Variants in PPP3CB observed in about 807,000 individuals in gnomAD.
PPP3CB encodes protein phosphatase 3 catalytic subunit beta.
In PPP3CB, 8 loss-of-function variants were observed where a neutral mutation model predicts 66.4. The observed-to-expected ratio is 0.12, with a 90% CI of 0.07 to 0.22. The LOEUF (loss-of-function observed/expected upper bound fraction) is 0.22. Ranked by LOEUF, PPP3CB falls within the 10% of genes least tolerant of loss-of-function variation. The pLI is 1.00. For synonymous variants in PPP3CB, 208 were observed against 221.2 expected (o/e 0.94, Z 0.53); for missense variants, 319 against 642.5 (o/e 0.50, Z 5.44).
chr10:73,455,174 C>T (rs993607261), intron 9 of PPP3CB, among the ~76,000 whole-genome samples: 4 of 152,120 alleles, frequency 2.6e-5, no homozygotes, highest in African/African-American at 4.8e-5. Context: ...TAGGCCACTG[C>T]GCCTGGCCTT....
chr10:73,458,633 A>G (rs932310164), intron 9 of PPP3CB, among the ~76,000 whole-genome samples: 4 of 151,220 alleles, frequency 2.6e-5, no homozygotes, highest in African/African-American at 9.7e-5. Context: ...CCCTGTCTCT[A>G]TATTAAAATA....
intron 1 of PPP3CB, among the ~76,000 whole-genome samples, chr10:73,484,699 T>C (rs1244982323): frequency 6.6e-6 from 1 of 152,126 alleles, no homozygotes; most frequent in African/African-American, 2.4e-5. Flanking sequence ...TGTATATAAA[T>C]GCAATATAAA....
chr10:73,438,272 G>T lies in PPP3CB; in HGVS notation c.1545C>A (p.Asn515Lys). 6.2e-7 allele frequency: 1 copy of T among 1,614,096 alleles called. No homozygotes were observed. Among genetic ancestry groups the T allele is most frequent in the Non-Finnish European group, 8.5e-7 (1 of 1,180,012 alleles). ...GGGCAGTATGGTTGCCCGTCCCGTGGTTCTCAGTGGCATGTGCGGTGTTCA... is the reference window on the plus strand; with the variant it reads ...GGGCAGTATGGTTGCCCGTCCCGTGTTTCTCAGTGGCATGTGCGGTGTTCA... ...NSLNTAHATE[N>K]HGTGNHTAQ Residue 515 changes from asparagine (N) to lysine (K), a missense_variant, in exon 14 of 14, where the codon AAC becomes AAA. Physicochemically the swap from Asn to Lys is moderately conservative, Grantham distance 94 (BLOSUM62 0). This residue lies in a region of PPP3CB where 25 missense variants were observed against 26.4 expected (regional missense o/e 0.95). Coordinates refer to ENST00000360663, the MANE Select transcript of PPP3CB (RefSeq NM_021132.4).
At position 73,437,390 on chromosome 10, in the gene PPP3CB, T is replaced by TA. The variant is rs1216572297; in HGVS notation, c.*851dup. On this transcript the variant is annotated 3_prime_UTR_variant, in exon 14 of 14. Transcript: ENST00000360663. Reference sequence around the variant, plus strand: ...GTACATCATAGGTCTATATATTAAATATTTGCAAAATGAAAACATGCATAC... The same window carrying TA: ...GTACATCATAGGTCTATATATTAAATAATTTGCAAAATGAAAACATGCATAC... 6.6e-6 allele frequency: 1 copy of TA among 152,638 alleles called. No homozygotes were observed. Among genetic ancestry groups the TA allele is most frequent in the Non-Finnish European group, 1.5e-5 (1 of 68,038 alleles). 9.5% of individuals were successfully genotyped at this position (152,638 alleles called of 1,614,324 possible). A position where few individuals can be genotyped will look rare whatever the true frequency, so the allele number is the denominator to read the frequency against.
At chr10:73,485,941 TG>T (rs2056966403) in intron 1 of PPP3CB, among the ~76,000 whole-genome samples, 4 of 141,544 alleles carry the variant, frequency 2.8e-5, no homozygotes, top group Admixed American at 2.2e-4. Context: ...TGTGTGTGTG[TG>T]TGTGTGTGTA....
intron 9 of PPP3CB, among the ~76,000 whole-genome samples, chr10:73,460,207 A>C (rs1184932395): frequency 6.6e-6 from 1 of 151,204 alleles, no homozygotes; most frequent in Non-Finnish European, 1.5e-5. Flanking sequence ...TCGTAGCTTT[A>C]AAGTATACAT....
At chr10:73,446,837 C>G (rs1316342768) in intron 10 of PPP3CB, among the ~76,000 whole-genome samples, 4 of 152,128 alleles carry the variant, frequency 2.6e-5, no homozygotes, top group African/African-American at 9.7e-5. Flanking sequence ...ACTGGCTAAT[C>G]AGTAAAACAG....
At chr10:73,443,294 A>AAGAAAGAC (rs1554821608) in intron 12 of PPP3CB, among the ~76,000 whole-genome samples, 3 of 131,698 alleles carry the variant, frequency 2.3e-5, no homozygotes, top group Admixed American at 7.1e-5. Context: ...GACAGAAAGA[A>AAGAAAGAC]AGAAAGAAAG....
chr10:73,479,911 C>T (rs1003901435), intron 1 of PPP3CB, among the ~76,000 whole-genome samples: 2 of 151,970 alleles, frequency 1.3e-5, no homozygotes, highest in Non-Finnish European at 2.9e-5. Context: ...TCTGTAATCA[C>T]GACTACTTCG....
chr10:73,487,637 G>C (rs1393619561), intron 1 of PPP3CB, among the ~76,000 whole-genome samples: 1 of 148,296 alleles, frequency 6.7e-6, no homozygotes, highest in Non-Finnish European at 1.5e-5. Flanking sequence ...AATGATTATA[G>C]TTTCCAAAAT....
At chr10:73,460,991 C>T (rs922787491) in intron 9 of PPP3CB, among the ~76,000 whole-genome samples, 1 of 152,236 alleles carries the variant, frequency 6.6e-6, no homozygotes, top group Non-Finnish European at 1.5e-5. Flanking sequence ...CCCACTGAGG[C>T]ACTGCCTAGT....
intron 3 of PPP3CB, among the ~76,000 whole-genome samples, chr10:73,477,925 A>G (rs2056817939): frequency 6.6e-6 from 1 of 152,136 alleles, no homozygotes; most frequent in South Asian, 2.1e-4. Flanking sequence ...TCAAAAAAAA[A>G]GAAAAAGAAA....
chr10:73,459,512 G>A (rs1444233709), intron 9 of PPP3CB, among the ~76,000 whole-genome samples: 1 of 152,192 alleles, frequency 6.6e-6, no homozygotes. Context: ...CATAAAACTT[G>A]CACATGCATA....
At chr10:73,456,742 A>C (rs1029180627) in intron 9 of PPP3CB, among the ~76,000 whole-genome samples, 2 of 152,226 alleles carry the variant, frequency 1.3e-5, no homozygotes, top group African/African-American at 4.8e-5. Context: ...TCAGAAAAAA[A>C]CGGGCAAATC....
At chr10:73,470,866 T>G in intron 7 of PPP3CB, 21 bp downstream of exon 7, 1 of 1,605,790 alleles carries the variant, frequency 6.2e-7, no homozygotes, top group South Asian at 1.1e-5. Context: ...TTAATTTGGG[T>G]CAGGGAAACA....
At chr10:73,462,465 G>A (rs1468311843) in intron 9 of PPP3CB, among the ~76,000 whole-genome samples, 1 of 152,086 alleles carries the variant, frequency 6.6e-6, no homozygotes, top group African/African-American at 2.4e-5. Flanking sequence ...AAGGGGTGGT[G>A]CCAATTCACA....
At chr10:73,488,683 T>G (rs1020622534) in intron 1 of PPP3CB, among the ~76,000 whole-genome samples, 1 of 152,192 alleles carries the variant, frequency 6.6e-6, no homozygotes, top group Non-Finnish European at 1.5e-5. Context: ...TCTTCAAAAT[T>G]TCAAGGTATC....
intron 9 of PPP3CB, among the ~76,000 whole-genome samples, chr10:73,463,446 T>C (rs1050654267): frequency 6.6e-6 from 1 of 152,224 alleles, no homozygotes; most frequent in Non-Finnish European, 1.5e-5. Flanking sequence ...TAACTTTTCA[T>C]TCTTTTTCTA....
intron 10 of PPP3CB, among the ~76,000 whole-genome samples, chr10:73,449,883 C>T (rs11000659): frequency 0.029 from 4,442 of 152,060 alleles, 219 homozygotes; most frequent in African/African-American, 0.099. Context: ...GCAACCTCTG[C>T]CTCCCGAGTT....
Sources: allele counts gnomAD v4.1 joint callset (sites outside exome capture counted in the v4.1 genomes callset), GRCh38; gene constraint gnomAD v4.1.1; regional missense constraint gnomAD v4.1.1; transcripts MANE v1.5; gene names NCBI Gene and HGNC (gene_info 2026-07-23, HGNC 2026-07-21).